Variants in TRPC1 observed in about 807,000 individuals in gnomAD.
TRPC1 encodes short transient receptor potential channel 1.
Under a neutral mutation model 88.2 loss-of-function variants are expected in TRPC1, and 42 were observed. That is an observed-to-expected ratio of 0.48 (90% confidence interval 0.37 to 0.62). The LOEUF is 0.62. TRPC1 is among the 20% of genes least tolerant of loss of function. The pLI, the probability that TRPC1 is intolerant of heterozygous loss-of-function variation, is 0.00. For synonymous variants in TRPC1, 288 were observed against 331.8 expected (o/e 0.87, Z 1.43); for missense variants, 699 against 957.3 (o/e 0.73, Z 3.56).
At chr3:142,761,978 G>A (rs1420937646) in intron 4 of TRPC1, among the ~76,000 whole-genome samples, 1 of 151,720 alleles carries the variant, frequency 6.6e-6, no homozygotes, top group Non-Finnish European at 1.5e-5. Context: ...GCTAAGGTTT[G>A]TTGATTTTGT....
chr3:142,766,501 A>C (rs764007803), intron 4 of TRPC1, among the ~76,000 whole-genome samples: 1 of 151,632 alleles, frequency 6.6e-6, no homozygotes, highest in African/African-American at 2.4e-5. Flanking sequence ...CCTGGGTTCA[A>C]GCCATCTTCC....
At position 142,772,126 on chromosome 3, in the gene TRPC1, A is replaced by G. The variant is rs186797367; in HGVS notation, c.633-5506A>G. Among the ~76,000 whole-genome samples the G allele has an allele frequency of 1.1e-3, 174 of 151,826 alleles. 1 individual carries two copies. The highest frequency in any genetic ancestry group is 3.9e-3 in the African/African-American group (160 of 41,434). On this transcript the variant is annotated intron_variant, in intron 4 of 12. Coordinates refer to ENST00000476941, the MANE Select transcript of TRPC1 (RefSeq NM_001251845.2). ...TTTGACTTTCAGCATTTTTACTATG[A>G]TGTTTCTGTTTGTGGGTCTCTTTGC...
At chr3:142,735,254 G>A (rs1934084709) in intron 1 of TRPC1, among the ~76,000 whole-genome samples, 1 of 152,134 alleles carries the variant, frequency 6.6e-6, no homozygotes, top group African/African-American at 2.4e-5. Context: ...AAATTTACTT[G>A]AAATTTTAAT....
chr3:142,781,403 G>A (rs942810252), intron 6 of TRPC1, among the ~76,000 whole-genome samples: 5 of 152,032 alleles, frequency 3.3e-5, no homozygotes, highest in Non-Finnish European at 7.4e-5. Context: ...TCCATCTTGT[G>A]TTTTGTCTGT....
chr3:142,806,987 G>A lies in TRPC1; in HGVS notation c.*752G>A, dbSNP rs1936813715. ...TAGTTTTTGAAAAATACAGTCAGTA[G>A]ATGTTTTATTTTTTAGCTATTCAGT... On this transcript the variant is annotated 3_prime_UTR_variant, in exon 13 of 13. Coordinates refer to ENST00000476941, the MANE Select transcript of TRPC1 (RefSeq NM_001251845.2). 1.3e-5 allele frequency: 2 copies of A among 151,748 alleles called. No homozygotes were observed. Among genetic ancestry groups the A allele is most frequent in the Non-Finnish European group, 2.9e-5 (2 of 67,924 alleles). The allele number at this position is 151,748 out of a possible 1,614,324, so 9.4% of individuals were successfully genotyped here. A position where few individuals can be genotyped will look rare whatever the true frequency, so the allele number is the denominator to read the frequency against.
At position 142,724,759 on chromosome 3, in the gene TRPC1, G is replaced by C. The variant is rs751184884; in HGVS notation, c.172+28G>C. 2.4e-5 allele frequency: 37 copies of C among 1,536,758 alleles called. No individual in the cohort carries two copies. The highest frequency in any genetic ancestry group is 3.3e-5 in the Non-Finnish European group (37 of 1,135,024). Reference sequence around the variant, plus strand: ...GAGAGTTAGGCCCCTTTCTCCTCTGGACGCCCCTGTCCTCCAGACCTTTAG... The same window carrying C: ...GAGAGTTAGGCCCCTTTCTCCTCTGCACGCCCCTGTCCTCCAGACCTTTAG... On this transcript the variant is annotated intron_variant, in intron 1 of 12. Coordinates refer to ENST00000476941, the MANE Select transcript of TRPC1 (RefSeq NM_001251845.2). This position sits in a 1 kb window ranked among gnomAD's most constrained non-coding sequence, Gnocchi z 5.6.
intron 2 of TRPC1, among the ~76,000 whole-genome samples, chr3:142,742,565 T>C (rs914245573): frequency 1.3e-5 from 2 of 152,204 alleles, no homozygotes; most frequent in Admixed American, 6.5e-5. Flanking sequence ...ACAAAGAATA[T>C]TAAAGATCGA....
intron 1 of TRPC1, among the ~76,000 whole-genome samples, chr3:142,733,179 C>A (rs566905466): frequency 1.7e-4 from 26 of 152,120 alleles, no homozygotes; most frequent in South Asian, 1.2e-3. Context: ...GATTTTCTTT[C>A]TTTCTTGTAT....
At position 142,724,981 on chromosome 3, in the gene TRPC1, C is replaced by T. The variant is rs940946669; in HGVS notation, c.172+250C>T. ...CGGGGGTGGCTCTGGCCTTGGGGTC[C>T]GGGGTTTAGGTAGCGCCTTGGGAGC... On this transcript the variant is annotated intron_variant, in intron 1 of 12. Coordinates refer to ENST00000476941, the MANE Select transcript of TRPC1 (RefSeq NM_001251845.2). This position sits in a 1 kb window ranked among gnomAD's most constrained non-coding sequence, Gnocchi z 5.6. 2.0e-5 allele frequency among the ~76,000 whole-genome samples: 3 copies of T among 152,176 alleles called. No individual in the cohort carries two copies. The highest frequency in any genetic ancestry group is 2.9e-5 in the Non-Finnish European group (2 of 68,022).
intron 4 of TRPC1, among the ~76,000 whole-genome samples, chr3:142,768,338 G>T (rs1935468459): frequency 6.6e-6 from 1 of 151,914 alleles, no homozygotes; most frequent in African/African-American, 2.4e-5. Flanking sequence ...TATATTTTCA[G>T]GCTCTGTTGT....
chr3:142,743,265 T>C (rs1934419756), intron 2 of TRPC1, among the ~76,000 whole-genome samples: 1 of 151,652 alleles, frequency 6.6e-6, no homozygotes, highest in African/African-American at 2.4e-5. Context: ...TACCAACTCA[T>C]GCATTGAAAC....
Position 142,792,313 on chromosome 3 carries a change from G to C in TRPC1, c.1438-511G>C, listed in dbSNP as rs1215637034. Among the ~76,000 whole-genome samples the C allele has an allele frequency of 1.3e-5, 2 of 151,976 alleles. No individual in the cohort carries two copies. The highest frequency in any genetic ancestry group is 2.4e-5 in the African/African-American group (1 of 41,410). On this transcript the variant is annotated intron_variant, in intron 8 of 12. Transcript: ENST00000476941. The surrounding 1 kb of genome is among the most constrained non-coding windows in gnomAD (Gnocchi z 4.0). ...GGGGCACTATTAATAATTATGCCAGGACAACTGGTACAGCATCTTAAACTA... is the reference window on the plus strand; with the variant it reads ...GGGGCACTATTAATAATTATGCCAGCACAACTGGTACAGCATCTTAAACTA...
chr3:142,741,240 T>A (rs138144994), intron 2 of TRPC1, among the ~76,000 whole-genome samples: 18 of 142,938 alleles, frequency 1.3e-4, no homozygotes, highest in African/African-American at 4.2e-4. Context: ...CTGCCATTGA[T>A]TTATCAAATA....
chr3:142,791,626 A>G (rs1305251745), intron 8 of TRPC1, among the ~76,000 whole-genome samples: 1 of 152,066 alleles, frequency 6.6e-6, no homozygotes, highest in Non-Finnish European at 1.5e-5. Flanking sequence ...TAACCTGTAT[A>G]TACTTAAAAT....
intron 4 of TRPC1, among the ~76,000 whole-genome samples, chr3:142,751,514 G>GA (rs1196893107): frequency 2.0e-5 from 3 of 152,094 alleles, no homozygotes; most frequent in Non-Finnish European, 4.4e-5. Flanking sequence ...TTCGCAAAAC[G>GA]ATGAAGTTGT....
At chr3:142,731,209 G>A (rs1293908870) in intron 1 of TRPC1, among the ~76,000 whole-genome samples, 1 of 152,002 alleles carries the variant, frequency 6.6e-6, no homozygotes, top group African/African-American at 2.4e-5. Flanking sequence ...GAAAACATTG[G>A]TTTGGAATGA....
At position 142,724,332 on chromosome 3, in the gene TRPC1, C is replaced by T. The variant is rs1405792108; in HGVS notation, c.-228C>T. On this transcript the variant is annotated 5_prime_UTR_variant, in exon 1 of 13. Transcript: ENST00000476941. The surrounding 1 kb of genome is among the most constrained non-coding windows in gnomAD (Gnocchi z 5.6). ...CCGGCGGCTGGGGAGGGGTCGCTGG[C>T]CCCGGGGCCGCGCATGCGCCGCCAC... is the stretch of plus-strand genomic sequence containing the variant. 1 of 330,626 alleles carries T rather than the reference C, an allele frequency of 3.0e-6. No homozygotes were observed. Among genetic ancestry groups the T allele is most frequent in the African/African-American group, 2.1e-5 (1 of 46,610 alleles). The allele number at this position is 330,626 out of a possible 1,614,324, so 20.5% of individuals were successfully genotyped here. A position where few individuals can be genotyped will look rare whatever the true frequency, so the allele number is the denominator to read the frequency against.
At chr3:142,779,936 T>G (rs1210752041) in intron 5 of TRPC1, among the ~76,000 whole-genome samples, 2 of 138,970 alleles carry the variant, frequency 1.4e-5, no homozygotes, top group Non-Finnish European at 3.1e-5. Context: ...CAACCTCCCC[T>G]CCTGGGTTCA....
intron 1 of TRPC1, among the ~76,000 whole-genome samples, chr3:142,725,758 A>G (rs1933648443): frequency 6.6e-6 from 1 of 152,186 alleles, no homozygotes; most frequent in Non-Finnish European, 1.5e-5. Flanking sequence ...AAGACTAACT[A>G]CACAGGATTT....
Sources: allele counts gnomAD v4.1 joint callset (sites outside exome capture counted in the v4.1 genomes callset), GRCh38; gene constraint gnomAD v4.1.1; non-coding constraint Gnocchi (gnomAD v3.1); transcripts MANE v1.5; gene names NCBI Gene and HGNC (gene_info 2026-07-23, HGNC 2026-07-21).